Variants in TENT2 observed in about 807,000 individuals in gnomAD.
TENT2 encodes the protein poly(A) RNA polymerase GLD2.
TENT2 carries 44 observed loss-of-function variants against 72.2 expected under a neutral mutation model. The ratio of observed to expected loss-of-function variants is 0.61; its 90% CI spans 0.48 to 0.78. TENT2 has a LOEUF of 0.78. TENT2 is among the 30% of genes least tolerant of loss of function. The pLI is 0.00. For missense variants in TENT2, 541 were observed against 569.6 expected (o/e 0.95, Z 0.51); for synonymous variants, 212 against 192.5 (o/e 1.10, Z -0.84).
chr5:79,671,800 C>A (rs1813144726), intron 12 of TENT2, among the ~76,000 whole-genome samples: 1 of 152,042 alleles, frequency 6.6e-6, no homozygotes, highest in South Asian at 2.1e-4. Context: ...TTTATATGGT[C>A]ATTTAAAAAT....
At chr5:79,652,265 C>A (rs926783606) in intron 10 of TENT2, among the ~76,000 whole-genome samples, 2 of 151,058 alleles carry the variant, frequency 1.3e-5, no homozygotes, top group Non-Finnish European at 3.0e-5. Flanking sequence ...ACGATATACC[C>A]TAATATGAGA....
At chr5:79,661,238 A>C (rs1802651706) in intron 11 of TENT2, among the ~76,000 whole-genome samples, 1 of 152,202 alleles carries the variant, frequency 6.6e-6, no homozygotes, top group South Asian at 2.1e-4. Flanking sequence ...AGCGTATAGT[A>C]ATGTTCTAGG....
At chr5:79,623,644 A>T in intron 4 of TENT2, 155 bp downstream of exon 4, 1 of 452,568 alleles carries the variant, frequency 2.2e-6, no homozygotes, top group Non-Finnish European at 3.8e-6. Context: ...TCCAAACATT[A>T]CTTTGATTTT....
chr5:79,657,424 G>C (rs1798713199), intron 11 of TENT2, among the ~76,000 whole-genome samples: 1 of 152,042 alleles, frequency 6.6e-6, no homozygotes, highest in Non-Finnish European at 1.5e-5. Flanking sequence ...TGGACAATTG[G>C]ATAATCTTTC....
At chr5:79,685,093 A>T in intron 14 of TENT2, 106 bp from the exon 15 acceptor site, 2 of 901,712 alleles carry the variant, frequency 2.2e-6, no homozygotes, top group Non-Finnish European at 3.4e-6. Context: ...AAATTATTCA[A>T]AATTTATCAC....
At chr5:79,661,707 C>T (rs1561552607) in intron 11 of TENT2, among the ~76,000 whole-genome samples, 1 of 152,212 alleles carries the variant, frequency 6.6e-6, no homozygotes, top group Non-Finnish European at 1.5e-5. Context: ...GAGAGTCTTG[C>T]TTTGATACTG....
In TENT2 at chr5:79,686,027, T is replaced by G. The variant is rs2151047197; in HGVS notation, c.*754T>G. On this transcript the variant is annotated 3_prime_UTR_variant, in exon 15 of 15. Coordinates refer to ENST00000453514, the MANE Select transcript of TENT2 (RefSeq NM_001114394.3). ...TAGACATTTTGAAAAGATTGTTTCC[T>G]GTGCTTTACGATAGCTTAGTGCAAT... 6.6e-6 allele frequency: 1 copy of G among 152,634 alleles called. No individual in the cohort carries two copies. The highest frequency in any genetic ancestry group is 1.9e-4 in the East Asian group (1 of 5,202). 9.5% of individuals were successfully genotyped at this position (152,634 alleles called of 1,614,324 possible).
chr5:79,618,430 C>G lies in TENT2; in HGVS notation c.-37-1182C>G, dbSNP rs545622642. 1.1e-3 allele frequency among the ~76,000 whole-genome samples: 166 copies of G among 151,854 alleles called. 1 individual carries two copies. The highest frequency in any genetic ancestry group is 3.9e-3 in the African/African-American group (161 of 41,306). The stretch of plus-strand genomic sequence containing the variant: ...TTTTTTTTTTATAGAGACAGGGTCT[C>G]ACTTTGTTGTCCAGGCTAGTCTTGA... On this transcript the variant is annotated intron_variant, in intron 1 of 14. Transcript: ENST00000453514.
At chr5:79,666,642 A>C (rs891075242) in intron 11 of TENT2, among the ~76,000 whole-genome samples, 2 of 120,258 alleles carry the variant, frequency 1.7e-5, no homozygotes, top group Non-Finnish European at 3.1e-5. Flanking sequence ...TTCATAATTC[A>C]TATTGCTATG....
chr5:79,665,939 A>C (rs1314501064), intron 11 of TENT2, among the ~76,000 whole-genome samples: 3 of 151,694 alleles, frequency 2.0e-5, no homozygotes, highest in Admixed American at 2.0e-4. Flanking sequence ...TAAATACATA[A>C]CTAAAGTGGG....
rs144946232 is a variant in TENT2, at chr5:79,615,667, G to A, written c.-38+2592G>A. On this transcript the variant is annotated intron_variant, in intron 1 of 14. Coordinates refer to ENST00000453514, the MANE Select transcript of TENT2 (RefSeq NM_001114394.3). ...CCTGAGCAAAGGGTGAAAAGTGTTC[G>A]TTGCCAGTCTTGAATCTGGCAATCC... 4.3e-3 allele frequency among the ~76,000 whole-genome samples: 652 copies of A among 151,780 alleles called. 7 individuals are homozygous for A. Among genetic ancestry groups the A allele is most frequent in the African/African-American group, 0.014 (578 of 41,378 alleles).
At chr5:79,622,437 T>TA (rs1765844895) in intron 3 of TENT2, among the ~76,000 whole-genome samples, 1 of 152,224 alleles carries the variant, frequency 6.6e-6, no homozygotes, top group South Asian at 2.1e-4. Flanking sequence ...AACAAATACT[T>TA]ACTCTTTAAT....
chr5:79,655,920 T>C (rs998560782), intron 10 of TENT2, among the ~76,000 whole-genome samples: 3 of 151,970 alleles, frequency 2.0e-5, no homozygotes. Flanking sequence ...CTTTTAATTA[T>C]AGTTGGAGAC....
chr5:79,659,744 A>G (rs1801278303), intron 11 of TENT2, among the ~76,000 whole-genome samples: 1 of 151,506 alleles, frequency 6.6e-6, no homozygotes, highest in African/African-American at 2.4e-5. Context: ...CATGATTGAT[A>G]CAAGTGGTAC....
intron 1 of TENT2, among the ~76,000 whole-genome samples, chr5:79,618,439 G>A (rs146270032): frequency 5.3e-5 from 8 of 151,170 alleles, no homozygotes; most frequent in African/African-American, 2.0e-4. Flanking sequence ...TCACTTTGTT[G>A]TCCAGGCTAG....
intron 12 of TENT2, among the ~76,000 whole-genome samples, chr5:79,670,955 A>C (rs1812555707): frequency 6.6e-6 from 1 of 151,700 alleles, no homozygotes; most frequent in Non-Finnish European, 1.5e-5. Context: ...GTTAGACTGT[A>C]TTGACATTGT....
At position 79,641,073 on chromosome 5, in the gene TENT2, A is replaced by G. The variant is rs778958719; in HGVS notation, c.581-32A>G. The G allele has an allele frequency of 1.2e-5, 18 of 1,533,968 alleles. No homozygotes were observed. In the African/African-American group the frequency reaches 2.3e-4, roughly 19 times the overall value. Reference sequence around the variant, plus strand: ...AACCATGCACCTACTTTAGATTTTAAATACTCTTATTACTTTCTTCTGTTT... The same window carrying G: ...AACCATGCACCTACTTTAGATTTTAGATACTCTTATTACTTTCTTCTGTTT... On this transcript the variant is annotated intron_variant, in intron 5 of 14. Transcript: ENST00000453514.
intron 10 of TENT2, among the ~76,000 whole-genome samples, chr5:79,654,111 A>G (rs1390215869): frequency 6.6e-6 from 1 of 152,196 alleles, no homozygotes; most frequent in African/African-American, 2.4e-5. Flanking sequence ...GGAATTGAGA[A>G]AGGATTTTAA....
chr5:79,625,669 TG>T (rs1768968330), intron 4 of TENT2, among the ~76,000 whole-genome samples: 1 of 152,180 alleles, frequency 6.6e-6, no homozygotes, highest in Non-Finnish European at 1.5e-5. Flanking sequence ...CTTTTGCTGT[TG>T]GTCCAGTTGT....
Sources: allele counts gnomAD v4.1 joint callset (sites outside exome capture counted in the v4.1 genomes callset), GRCh38; gene constraint gnomAD v4.1.1; transcripts MANE v1.5; gene names NCBI Gene and HGNC (gene_info 2026-07-23, HGNC 2026-07-21).